GNG2: variants seen among roughly 807,000 people sequenced by gnomAD.
The protein encoded by GNG2 is guanine nucleotide-binding protein G(I)/G(S)/G(O) subunit gamma-2.
Under a neutral mutation model 5.5 loss-of-function variants are expected in GNG2, and 5 were observed. The ratio of observed to expected loss-of-function variants is 0.91; its 90% CI spans 0.48 to 1.92. The LOEUF (loss-of-function observed/expected upper bound fraction) is 1.92. Among genes scored for constraint, GNG2 ranks in the 30% most tolerant of loss-of-function variants. The pLI is 0.01. For missense variants in GNG2, 55 were observed against 88.4 expected, an observed-to-expected ratio of 0.62 and a Z score of 1.52; for synonymous variants, 28 against 32.0, an observed-to-expected ratio of 0.88 and a Z score of 0.42.
chr14:51,865,638 C>T (rs1340664164), intron 1 of GNG2, among the ~76,000 whole-genome samples: 1 of 152,046 alleles, frequency 6.6e-6, no homozygotes, highest in Non-Finnish European at 1.5e-5. Context: ...CTCCATTTCA[C>T]TTACCTCATA....
At chr14:51,900,994 C>A (rs1280871963) in intron 2 of GNG2, among the ~76,000 whole-genome samples, 2 of 152,298 alleles carry the variant, frequency 1.3e-5, no homozygotes, top group South Asian at 2.1e-4. Context: ...TATTGACCAT[C>A]TAAAATATTT....
chr14:51,869,319 G>A (rs1240866996), intron 1 of GNG2, among the ~76,000 whole-genome samples: 1 of 152,238 alleles, frequency 6.6e-6, no homozygotes, highest in African/African-American at 2.4e-5. Flanking sequence ...CCTCTGATAG[G>A]AGGGTAGCTT....
At chr14:51,867,743 G>C (rs1172198075) in intron 1 of GNG2, among the ~76,000 whole-genome samples, 1 of 152,054 alleles carries the variant, frequency 6.6e-6, no homozygotes, top group Non-Finnish European at 1.5e-5. Flanking sequence ...AATTCCATCT[G>C]TCCTGTAAAG....
chr14:51,920,297 T>C (rs1289864480), intron 2 of GNG2, among the ~76,000 whole-genome samples: 3 of 152,030 alleles, frequency 2.0e-5, no homozygotes, highest in Non-Finnish European at 4.4e-5. Context: ...ATGTAACTTA[T>C]ACAAACCCTC....
intron 2 of GNG2, among the ~76,000 whole-genome samples, chr14:51,836,457 G>C (rs1005173623): frequency 9.9e-5 from 15 of 152,092 alleles, no homozygotes; most frequent in Non-Finnish European, 2.1e-4. Flanking sequence ...TATATATTAT[G>C]ATGTTGCTTT....
At chr14:51,853,391 C>T (rs1254515506) in intron 2 of GNG2, among the ~76,000 whole-genome samples, 2 of 151,996 alleles carry the variant, frequency 1.3e-5, no homozygotes, top group South Asian at 2.1e-4. Context: ...TGGTTCTGTT[C>T]GTGAAATTCT....
At chr14:51,921,836 T>A (rs1295127597) in intron 2 of GNG2, among the ~76,000 whole-genome samples, 1 of 152,212 alleles carries the variant, frequency 6.6e-6, no homozygotes, top group Non-Finnish European at 1.5e-5. Flanking sequence ...TCATTAAAAA[T>A]GTATAAGCAT....
intron 2 of GNG2, among the ~76,000 whole-genome samples, chr14:51,900,906 T>C (rs1177679856): frequency 6.6e-6 from 1 of 152,194 alleles, no homozygotes; most frequent in Non-Finnish European, 1.5e-5. Flanking sequence ...TTATTTAGGT[T>C]AGATATTCAG....
chr14:51,853,575 C>T (rs889532445), intron 2 of GNG2, among the ~76,000 whole-genome samples: 1 of 152,184 alleles, frequency 6.6e-6, no homozygotes, highest in African/African-American at 2.4e-5. Context: ...CTTTTGCCAA[C>T]CTATTTACTG....
At chr14:51,839,665 G>A (rs1881431111) in intron 2 of GNG2, among the ~76,000 whole-genome samples, 1 of 152,142 alleles carries the variant, frequency 6.6e-6, no homozygotes, top group Non-Finnish European at 1.5e-5. Context: ...TAGGGGTGAT[G>A]CAGCTGTTCT....
At chr14:51,934,388 C>T (rs1887845687) in intron 2 of GNG2, among the ~76,000 whole-genome samples, 1 of 152,164 alleles carries the variant, frequency 6.6e-6, no homozygotes, top group Admixed American at 6.5e-5. Flanking sequence ...TTGTACATTT[C>T]ATTTTGGAAT....
chr14:51,906,988 C>T (rs908339959), intron 2 of GNG2, among the ~76,000 whole-genome samples: 40 of 152,086 alleles, frequency 2.6e-4, no homozygotes, highest in South Asian at 2.1e-4. Context: ...ATCTCCTGAC[C>T]TCGTGATCCG....
rs563143772 is a variant in GNG2 at position 51,968,876 on chromosome 14, T to C, written c.*2189T>C. The C allele has an allele frequency of 6.6e-6, 1 of 152,346 alleles. No individual in the cohort carries two copies. Among genetic ancestry groups the C allele is most frequent in the East Asian group, 1.9e-4 (1 of 5,194 alleles). The allele number at this position is 152,346 out of a possible 1,614,324, so 9.4% of individuals were successfully genotyped here. A position where few individuals can be genotyped will look rare whatever the true frequency, so the allele number is the denominator to read the frequency against. On this transcript the variant is annotated 3_prime_UTR_variant, in exon 4 of 4. Coordinates refer to ENST00000556766, the MANE Select transcript of GNG2 (RefSeq NM_053064.5). ...GCATTTCCTTTTCTCAGAAGGACTCTTTATATTTCCATGTAAATCTAGATC... is the reference window on the plus strand; with the variant it reads ...GCATTTCCTTTTCTCAGAAGGACTCCTTATATTTCCATGTAAATCTAGATC...
intron 2 of GNG2, among the ~76,000 whole-genome samples, chr14:51,901,963 T>TAAAAAAAA: frequency 1.8e-5 from 1 of 56,446 alleles, no homozygotes; most frequent in Non-Finnish European, 3.2e-5. Context: ...TAACAATCTG[T>TAAAAAAAA]AAAAAAAAAA....
chr14:51,878,515 T>C (rs1447926933), intron 2 of GNG2, among the ~76,000 whole-genome samples: 1 of 152,216 alleles, frequency 6.6e-6, no homozygotes, highest in Non-Finnish European at 1.5e-5. Flanking sequence ...CATAACTGTT[T>C]AGGGGATACA....
chr14:51,896,583 C>G (rs1885207249), intron 2 of GNG2, among the ~76,000 whole-genome samples: 1 of 152,172 alleles, frequency 6.6e-6, no homozygotes. Flanking sequence ...ATTGCTGTAA[C>G]TAGAAATCAC....
At chr14:51,937,302 A>AAAT (rs1038298151) in intron 2 of GNG2, among the ~76,000 whole-genome samples, 1 of 152,242 alleles carries the variant, frequency 6.6e-6, no homozygotes, top group Non-Finnish European at 1.5e-5. Flanking sequence ...GGAAAAATTA[A>AAAT]AATAACTTCA....
intron 2 of GNG2, among the ~76,000 whole-genome samples, chr14:51,904,506 G>A (rs1885780212): frequency 1.3e-5 from 2 of 152,188 alleles, no homozygotes; most frequent in African/African-American, 4.8e-5. Flanking sequence ...AGATGTTGTT[G>A]GGATGAACTG....
chr14:51,872,504 A>C (rs1158628279), intron 1 of GNG2, among the ~76,000 whole-genome samples: 1 of 152,186 alleles, frequency 6.6e-6, no homozygotes, highest in Non-Finnish European at 1.5e-5. Context: ...GAGGGAGTCC[A>C]CTGTGATGCC....
Sources: gnomAD v4.1 joint callset for allele counts (sites outside exome capture counted in the v4.1 genomes callset) on GRCh38, gnomAD v4.1.1 for gene constraint, MANE v1.5 for transcripts, NCBI Gene and HGNC (gene_info 2026-07-23, HGNC 2026-07-21) for gene names.